The following G3BP2 variants were observed in gnomAD, a reference collection of about 807,000 sequenced individuals.
G3BP2 encodes G3BP stress granule assembly factor 2.
In G3BP2, 11 loss-of-function variants were observed where a neutral mutation model predicts 56.7. The ratio of observed to expected loss-of-function variants is 0.19; its 90% confidence interval spans 0.12 to 0.32. The LOEUF (loss-of-function observed/expected upper bound fraction) is 0.32. Ranked by LOEUF, G3BP2 falls within the 10% of genes least tolerant of loss-of-function variation. G3BP2 has a pLI of 1.00. For missense variants in G3BP2, 340 were observed against 610.9 expected, an observed-to-expected ratio of 0.56 and a Z score of 4.67; for synonymous variants, 165 against 191.6, an observed-to-expected ratio of 0.86 and a Z score of 1.15.
intron 8 of G3BP2, among the ~76,000 whole-genome samples, chr4:75,650,206 G>A (rs746592552): frequency 7.2e-5 from 11 of 151,806 alleles, no homozygotes; most frequent in Admixed American, 5.9e-4. Context: ...AGGCCGAGGC[G>A]GGCAGATCAC....
At chr4:75,647,916 T>G (rs561678138) in intron 9 of G3BP2, among the ~76,000 whole-genome samples, 62 of 152,310 alleles carry the variant, frequency 4.1e-4, no homozygotes, top group African/African-American at 1.4e-3. Flanking sequence ...GTATTACATG[T>G]GTAGCTAACA....
In G3BP2 at chr4:75,657,757, T is replaced by A. The variant is rs540479380; in HGVS notation, c.178-27A>T. 20 of 1,461,654 alleles carry A rather than the reference T, an allele frequency of 1.4e-5. No individual in the cohort carries two copies. In the South Asian group the frequency reaches 2.3e-4, roughly 17 times the overall value. The allele number at this position is 1,461,654 out of a possible 1,614,324, so 90.5% of individuals were successfully genotyped here. A position where few individuals can be genotyped will look rare whatever the true frequency, so the allele number is the denominator to read the frequency against. ...TTTATTAGGGAGGGAGGGAAAAATATAAACTCTGTGATACTGCATTACCTA... is the reference window on the plus strand; with the variant it reads ...TTTATTAGGGAGGGAGGGAAAAATAAAAACTCTGTGATACTGCATTACCTA... On this transcript the variant is annotated intron_variant, in intron 3 of 11. Coordinates refer to ENST00000359707, the MANE Select transcript of G3BP2 (RefSeq NM_203505.3).
chr4:75,644,195 TTGAC>T lies in G3BP2; in HGVS notation c.*1231_*1234del, dbSNP rs1266189090. On this transcript the variant is annotated 3_prime_UTR_variant, in exon 12 of 12. Transcript: ENST00000359707. Reference sequence around the variant, plus strand: ...AATGTCACTAAAAATGTACGTCAAGTTGACTGACTTTTCCAAGCCCTGAAGTGAT... The same window carrying T: ...AATGTCACTAAAAATGTACGTCAAGTTGACTTTTCCAAGCCCTGAAGTGAT... 7 of 152,548 alleles carry T rather than the reference TTGAC, an allele frequency of 4.6e-5. No homozygotes were observed. The highest frequency in any genetic ancestry group is 7.3e-5 in the Non-Finnish European group (5 of 68,036). The allele number at this position is 152,548 out of a possible 1,614,324, so 9.4% of individuals were successfully genotyped here. A position where few individuals can be genotyped will look rare whatever the true frequency, so the allele number is the denominator to read the frequency against.
At chr4:75,646,937 AT>A in intron 10 of G3BP2, 91 bp downstream of exon 10, 1 of 757,008 alleles carries the variant, frequency 1.3e-6, no homozygotes, top group Non-Finnish European at 2.1e-6. Flanking sequence ...AGAGAGAAAC[AT>A]TTAAAAAAAA....
chr4:75,705,879 A>C (rs6829993), intron 3 of G3BP2, among the ~76,000 whole-genome samples: 82,566 of 152,018 alleles, frequency 0.54, 23,754 homozygotes, highest in East Asian at 0.81. Flanking sequence ...GATAATATTT[A>C]TTTAGTGAGC....
upstream of G3BP2, among the ~76,000 whole-genome samples, chr4:75,678,332 G>GTA (rs1435372700): frequency 4.6e-5 from 6 of 130,670 alleles, no homozygotes; most frequent in Non-Finnish European, 1.0e-4. Flanking sequence ...GTGTGTGTGT[G>GTA]TGTGTGTGTA....
At chr4:75,655,292 G>T in intron 6 of G3BP2, 46 bp from the exon 7 acceptor site, 1 of 1,394,972 alleles carries the variant, frequency 7.2e-7, no homozygotes, top group Non-Finnish European at 1.0e-6. Context: ...GTTCAAGTAA[G>T]AAAAAATTCA....
rs759522980 is a variant in G3BP2 at position 75,646,420 on chromosome 4, T to C, written c.1094A>G (p.Lys365Arg). The change falls in exon 11 of 12, where the codon AAG becomes AGG. Residue 365 changes from lysine (K) to arginine (R), a missense_variant. This residue lies in a region of G3BP2 where 94 missense variants were observed against 173.8 expected (regional missense o/e 0.54). Coordinates refer to ENST00000359707, the MANE Select transcript of G3BP2 (RefSeq NM_203505.3). ...ATTTGGAAGCTTTCCCCCAACACCC[T>C]TGGTATTGATGCGAAGTTCCACAAC... Reference protein sequence around the residue: ...GNVVELRINTKGVGGKLPNFG... With the variant: ...GNVVELRINTRGVGGKLPNFG... 1 of 1,611,302 alleles carries C rather than the reference T, an allele frequency of 6.2e-7. No homozygotes were observed.
chr4:75,648,695 A>G lies in G3BP2; in HGVS notation c.872T>C (p.Val291Ala), dbSNP rs780308739. The stretch of plus-strand genomic sequence containing the variant: ...TCGTTCTCTAGGTCGTTGTTCACGC[A>G]CACGAGGTGGCTGAGATTGAACTTC... Reference protein sequence around the residue: ...KPEVQSQPPRVREQRPRERPG... With the variant: ...KPEVQSQPPRAREQRPRERPG... Residue 291 changes from valine (V) to alanine (A), a missense_variant, in exon 9 of 12, where the codon GTG becomes GCG. Physicochemically the swap from Val to Ala is moderately conservative, Grantham distance 64. Transcript: ENST00000359707. 1.2e-6 allele frequency: 2 copies of G among 1,610,612 alleles called. No homozygotes were observed. The highest frequency in any genetic ancestry group is 4.5e-5 in the East Asian group (2 of 44,868).
chr4:75,715,507 T>C (rs1361684572), intron 3 of G3BP2, among the ~76,000 whole-genome samples: 2 of 152,176 alleles, frequency 1.3e-5, no homozygotes, highest in Non-Finnish European at 2.9e-5. Flanking sequence ...TGAAAAGCTC[T>C]CTGAACACAG....
upstream of G3BP2, among the ~76,000 whole-genome samples, chr4:75,674,706 ATATATATATATATTTTTTTTT>A (rs1488486915): frequency 4.6e-5 from 2 of 43,076 alleles, no homozygotes; most frequent in Admixed American, 5.2e-4. Flanking sequence ...ATATATATAT[ATATATATATATATTTTTTTTT>A]TTTTTTTTTT....
At chr4:75,684,248 C>CA (rs1718472281) in intron 3 of G3BP2, among the ~76,000 whole-genome samples, 1 of 151,614 alleles carries the variant, frequency 6.6e-6, no homozygotes, top group Non-Finnish European at 1.5e-5. Flanking sequence ...ACTAAAAATA[C>CA]AAAAAAATTA....
intron 7 of G3BP2, 45 bp from the exon 8 acceptor site, chr4:75,654,126 A>T: frequency 1.1e-6 from 1 of 875,704 alleles, no homozygotes; most frequent in Non-Finnish European, 1.9e-6. Context: ...ATGGAAAACC[A>T]CCAACATTCC....
chr4:75,689,246 G>A lies in G3BP2; in HGVS notation c.-24-27197C>T, dbSNP rs772667282. On this transcript the variant is annotated intron_variant, in intron 3 of 3. Coordinates refer to the G3BP2 transcript ENST00000499709. The stretch of plus-strand genomic sequence containing the variant: ...ATAAAAATTAGCCAGGCGTGGTGGC[G>A]CATGCCTGTAATCCCACCTACTGGG... 5.3e-5 allele frequency among the ~76,000 whole-genome samples: 8 copies of A among 152,170 alleles called. No individual in the cohort carries two copies. In the South Asian group the frequency reaches 8.3e-4, roughly 16 times the overall value.
At chr4:75,707,128 C>T (rs1347998156) in intron 3 of G3BP2, among the ~76,000 whole-genome samples, 3 of 146,840 alleles carry the variant, frequency 2.0e-5, no homozygotes, top group Admixed American at 6.9e-5. Context: ...GAGCCAAGAT[C>T]GCACCACTGC....
chr4:75,714,046 G>T (rs1299050224), intron 3 of G3BP2, among the ~76,000 whole-genome samples: 2 of 152,098 alleles, frequency 1.3e-5, no homozygotes, highest in African/African-American at 4.8e-5. Context: ...AAAGAGACAT[G>T]ACATCTAAAC....
At chr4:75,692,501 G>A (rs1578434057) in intron 3 of G3BP2, among the ~76,000 whole-genome samples, 1 of 152,002 alleles carries the variant, frequency 6.6e-6, no homozygotes, top group Admixed American at 6.6e-5. Context: ...TAGTAGAGAC[G>A]CGGTTTCACC....
At chr4:75,702,142 CT>C (rs894324626) in intron 3 of G3BP2, among the ~76,000 whole-genome samples, 16 of 150,242 alleles carry the variant, frequency 1.1e-4, no homozygotes, top group African/African-American at 2.9e-4. Flanking sequence ...CCGTTCCCCC[CT>C]ACCTTAAGAT....
At chr4:75,658,709 A>G (rs560163455) in intron 3 of G3BP2, 134 bp downstream of exon 3, 241 of 668,068 alleles carry the variant, frequency 3.6e-4, no homozygotes, top group Admixed American at 6.0e-4. Flanking sequence ...CCTGGGCAAC[A>G]AGAGCAAAAC....
Sources: gnomAD v4.1 joint callset for allele counts (sites outside exome capture counted in the v4.1 genomes callset) on GRCh38, gnomAD v4.1.1 for gene constraint, gnomAD v4.1.1 regional missense constraint, MANE v1.5 for transcripts, NCBI Gene and HGNC (gene_info 2026-07-23, HGNC 2026-07-21) for gene names.